RORA: variants seen among roughly 807,000 people sequenced by gnomAD.
The protein encoded by RORA is RAR related orphan receptor A, also known as nuclear receptor ROR-alpha.
A neutral mutation model predicts 69.5 loss-of-function variants in RORA; 7 were observed. The observed-to-expected ratio is 0.10, with a 90% CI of 0.06 to 0.19. The LOEUF is 0.19. Ranked by LOEUF, RORA falls within the 10% of genes least tolerant of loss-of-function variation. RORA has a pLI of 1.00. For synonymous variants in RORA, 261 were observed against 240.8 expected (o/e 1.08, Z -0.78); for missense variants, 457 against 663.0 (o/e 0.69, Z 3.41).
At chr15:60,609,917 A>T (rs2069045931) in intron 2 of RORA, among the ~76,000 whole-genome samples, 1 of 152,210 alleles carries the variant, frequency 6.6e-6, no homozygotes, top group Admixed American at 6.5e-5. Context: ...CAATGAAAAC[A>T]GAAGCAGGGA....
chr15:61,064,367 T>A (rs140567716), intron 1 of RORA, among the ~76,000 whole-genome samples: 150 of 152,360 alleles, frequency 9.8e-4, no homozygotes, highest in Middle Eastern at 3.4e-3. Flanking sequence ...TTGCAATGCC[T>A]TGCAATACAA....
chr15:61,214,567 G>C (rs2080020956), intron 1 of RORA, among the ~76,000 whole-genome samples: 1 of 152,208 alleles, frequency 6.6e-6, no homozygotes. Context: ...CCAGATGGTG[G>C]TGTTGGCAAT....
intron 1 of RORA, among the ~76,000 whole-genome samples, chr15:60,987,096 G>A (rs1452224060): frequency 6.6e-6 from 1 of 152,162 alleles, no homozygotes; most frequent in Non-Finnish European, 1.5e-5. Context: ...CACATAACAA[G>A]GGATATGATG....
chr15:60,781,434 C>A (rs933863399), intron 1 of RORA, among the ~76,000 whole-genome samples: 6 of 152,180 alleles, frequency 3.9e-5, no homozygotes, highest in Non-Finnish European at 5.9e-5. Flanking sequence ...GTTCCCGGGG[C>A]AGGACTCTGC....
chr15:60,876,660 T>G (rs1322182634), intron 1 of RORA, among the ~76,000 whole-genome samples: 1 of 152,162 alleles, frequency 6.6e-6, no homozygotes, highest in African/African-American at 2.4e-5. Context: ...CATAGTACCA[T>G]TTCCAGGTAA....
At chr15:61,208,343 C>T (rs1451305469) in intron 1 of RORA, among the ~76,000 whole-genome samples, 1 of 152,036 alleles carries the variant, frequency 6.6e-6, no homozygotes. Context: ...ATGAAATGTC[C>T]AGAAAAGGAA....
intron 2 of RORA, among the ~76,000 whole-genome samples, chr15:60,582,622 G>A (rs1176431729): frequency 6.6e-6 from 1 of 152,056 alleles, no homozygotes; most frequent in Non-Finnish European, 1.5e-5. Flanking sequence ...GAGGGTGTTG[G>A]GCTTCAGAGG....
At chr15:60,526,586 A>G (rs1469915) in intron 3 of RORA, among the ~76,000 whole-genome samples, 7,439 of 152,314 alleles carry the variant, frequency 0.049, 577 homozygotes, top group African/African-American at 0.16. Flanking sequence ...TAGCTAAACA[A>G]AAATTTTCGC....
At chr15:61,113,402 C>T (rs1352267486) in intron 1 of RORA, among the ~76,000 whole-genome samples, 1 of 152,182 alleles carries the variant, frequency 6.6e-6, no homozygotes, top group Admixed American at 6.5e-5. Flanking sequence ...ATTCTGAGGA[C>T]AGCAGGGAAC....
At chr15:60,693,121 C>G (rs1197791942) in intron 1 of RORA, among the ~76,000 whole-genome samples, 1 of 152,198 alleles carries the variant, frequency 6.6e-6, no homozygotes, top group Non-Finnish European at 1.5e-5. Context: ...TTGGCTTCAT[C>G]CCCGGGATGC....
intron 1 of RORA, among the ~76,000 whole-genome samples, chr15:61,181,742 C>T (rs915721230): frequency 4.2e-5 from 6 of 143,664 alleles, no homozygotes; most frequent in Non-Finnish European, 7.5e-5. Context: ...TTTAAGAATA[C>T]GGCCATATGG....
At chr15:60,556,848 C>T in intron 2 of RORA, 1 of 1,604,102 alleles carries the variant, frequency 6.2e-7, no homozygotes, top group Non-Finnish European at 8.5e-7. Context: ...GATGTTTCCC[C>T]TCACCATTCA....
In RORA at chr15:60,728,777, TA is replaced by T. The variant is rs112113862; in HGVS notation, c.167-50092del. On this transcript the variant is annotated intron_variant, in intron 1 of 10. Coordinates refer to ENST00000335670, the MANE Select transcript of RORA (RefSeq NM_134261.3). ...GGTGAGCCAGGCACAGATCCTGCCC[TA>T]AAAAAAACTTAAAGTGTAGTAGGGG... 2.6e-3 allele frequency among the ~76,000 whole-genome samples: 403 copies of T among 152,098 alleles called. 3 individuals carry two copies. The highest frequency in any genetic ancestry group is 9.4e-3 in the African/African-American group (388 of 41,488).
intron 1 of RORA, among the ~76,000 whole-genome samples, chr15:60,801,528 G>C (rs970862053): frequency 6.5e-4 from 99 of 152,142 alleles, no homozygotes; most frequent in Non-Finnish European, 1.8e-4. Context: ...AAATTGCTCT[G>C]TATCCCCATG....
intron 1 of RORA, among the ~76,000 whole-genome samples, chr15:61,039,601 T>C (rs1896634250): frequency 6.6e-6 from 1 of 151,848 alleles, no homozygotes. Context: ...AAAAATTAGC[T>C]GGGTGTGGTG....
At chr15:60,770,260 G>C (rs1288539423) in intron 1 of RORA, among the ~76,000 whole-genome samples, 2 of 151,970 alleles carry the variant, frequency 1.3e-5, no homozygotes, top group African/African-American at 4.8e-5. Flanking sequence ...AATTATAGAA[G>C]TCCAATGTAA....
intron 1 of RORA, among the ~76,000 whole-genome samples, chr15:60,827,938 G>A (rs141631594): frequency 8.5e-4 from 130 of 152,282 alleles, no homozygotes; most frequent in African/African-American, 3.0e-3. Flanking sequence ...GTAACCCCTG[G>A]TATAGTGGTT....
intron 1 of RORA, among the ~76,000 whole-genome samples, chr15:61,087,801 A>G (rs1433662523): frequency 1.3e-5 from 2 of 152,198 alleles, no homozygotes; most frequent in Admixed American, 6.5e-5. Context: ...CCCTGTGGGA[A>G]TGGCATTTTT....
chr15:61,149,073 GGT>G (rs2079375491), intron 1 of RORA, among the ~76,000 whole-genome samples: 1 of 152,200 alleles, frequency 6.6e-6, no homozygotes, highest in South Asian at 2.1e-4. Context: ...CAAATGCTGA[GGT>G]GTGGCTTACG....
Sources: allele counts gnomAD v4.1 joint callset (sites outside exome capture counted in the v4.1 genomes callset), GRCh38; gene constraint gnomAD v4.1.1; transcripts MANE v1.5; gene names NCBI Gene and HGNC (gene_info 2026-07-23, HGNC 2026-07-21).